SORBS2: variants seen among roughly 807,000 people sequenced by gnomAD.
SORBS2 encodes the protein sorbin and SH3 domain-containing protein 2.
Under a neutral mutation model 97.7 loss-of-function variants are expected in SORBS2, and 46 were observed. The observed-to-expected ratio is 0.47, with a 90% CI of 0.37 to 0.60. The LOEUF is 0.60. SORBS2 is among the 20% of genes least tolerant of loss of function. The pLI is 0.00. For missense variants in SORBS2, 1,316 were observed against 1,282.3 expected (o/e 1.03, Z -0.40); for synonymous variants, 476 against 473.4 (o/e 1.01, Z -0.07).
intron 2 of SORBS2, among the ~76,000 whole-genome samples, chr4:185,769,278 G>A (rs1400041980): frequency 6.6e-6 from 1 of 152,130 alleles, no homozygotes; most frequent in African/African-American, 2.4e-5. Context: ...TAGCCTGAAG[G>A]TAATTTTATA....
At chr4:185,766,987 C>G (rs556444881) in intron 2 of SORBS2, among the ~76,000 whole-genome samples, 1 of 152,062 alleles carries the variant, frequency 6.6e-6, no homozygotes, top group South Asian at 2.1e-4. Flanking sequence ...TAAACTGTGT[C>G]AATTTCCTAA....
chr4:185,719,232 A>G (rs2098491574), intron 2 of SORBS2, among the ~76,000 whole-genome samples: 3 of 152,158 alleles, frequency 2.0e-5, no homozygotes, highest in African/African-American at 7.2e-5. Context: ...TCTGGCTTGG[A>G]GAAGCAGCAA....
At chr4:185,758,974 CATGTTT>C (rs1008848906) in intron 2 of SORBS2, among the ~76,000 whole-genome samples, 1 of 152,218 alleles carries the variant, frequency 6.6e-6, no homozygotes, top group Non-Finnish European at 1.5e-5. Context: ...AATCTCCTAA[CATGTTT>C]ACCTTTTACT....
At chr4:185,848,598 T>C (rs147141127) in intron 1 of SORBS2, among the ~76,000 whole-genome samples, 8 of 149,588 alleles carry the variant, frequency 5.3e-5, no homozygotes, top group African/African-American at 1.7e-4. Context: ...AGGTTTTAAA[T>C]GTTCTTTATA....
chr4:185,709,253 G>A (rs988587164), intron 2 of SORBS2, among the ~76,000 whole-genome samples: 3 of 141,382 alleles, frequency 2.1e-5, no homozygotes, highest in East Asian at 2.2e-4. Flanking sequence ...CTCCCGCCTT[G>A]GCCTCCCAAA....
At chr4:185,806,257 C>G (rs1163756792) in intron 1 of SORBS2, among the ~76,000 whole-genome samples, 1 of 152,164 alleles carries the variant, frequency 6.6e-6, no homozygotes, top group Non-Finnish European at 1.5e-5. Context: ...ACAGGGACTT[C>G]TGTTTAGAGG....
In SORBS2 at chr4:185,618,645, TA is replaced by T; in HGVS notation, c.2305-15del. 2 of 1,524,294 alleles carry T rather than the reference TA, an allele frequency of 1.3e-6. No individual in the cohort carries two copies. Among genetic ancestry groups the T allele is most frequent in the Admixed American group, 1.7e-5 (1 of 57,956 alleles). 94.4% of individuals were successfully genotyped at this position (1,524,294 alleles called of 1,614,324 possible). ...TGCAGGCAATTTCTGAAAAGGAAGA[TA>T]AACAATTAGCACTAATTTAAAATTT... On this transcript the variant is annotated splice_polypyrimidine_tract_variant and intron_variant, in intron 8 of 14. Coordinates refer to ENST00000418609, the Ensembl canonical transcript of SORBS2.
chr4:185,838,061 G>A (rs1236277215), intron 1 of SORBS2, among the ~76,000 whole-genome samples: 2 of 152,214 alleles, frequency 1.3e-5, no homozygotes, highest in Non-Finnish European at 2.9e-5. Flanking sequence ...TTTCCCATTT[G>A]ACACTAATTC....
chr4:185,711,871 C>A (rs79589688), intron 2 of SORBS2, among the ~76,000 whole-genome samples: 4 of 152,158 alleles, frequency 2.6e-5, no homozygotes, highest in African/African-American at 7.2e-5. Flanking sequence ...CCACACTCAG[C>A]TGACCGTGCT....
At chr4:185,954,261 A>C (rs1167654795) in intron 1 of SORBS2, among the ~76,000 whole-genome samples, 1 of 152,208 alleles carries the variant, frequency 6.6e-6, no homozygotes, top group East Asian at 1.9e-4. Flanking sequence ...ACACCTTCTC[A>C]AAAGCAATGC....
intron 2 of SORBS2, chr4:185,774,447 T>C (rs2098989814): frequency 1.3e-5 from 2 of 152,170 alleles, no homozygotes; most frequent in South Asian, 4.1e-4. Context: ...TTACTGAGCA[T>C]AGTAAATAGC....
rs1197728716 is a variant in SORBS2 at position 185,677,050 on chromosome 4, C to G, written c.-46+1373G>C. On this transcript the variant is annotated intron_variant, in intron 4 of 20. Coordinates refer to the SORBS2 transcript ENST00000284776. ...GCTGCAACTGCAGATTTTTGTCTCT[C>G]TTGCTGAAGAGGTATCTTTGCAGTC... 20 of 1,551,352 alleles carry G rather than the reference C, an allele frequency of 1.3e-5. No individual in the cohort carries two copies. In the Middle Eastern group the frequency reaches 2.4e-3, roughly 185 times the overall value.
intron 1 of SORBS2, among the ~76,000 whole-genome samples, chr4:185,886,149 T>C (rs762694784): frequency 3.9e-5 from 6 of 152,186 alleles, no homozygotes; most frequent in Non-Finnish European, 5.9e-5. Flanking sequence ...TTAGGCATAG[T>C]GACTTGTTCC....
At chr4:185,792,052 A>G (rs1261908671) in intron 1 of SORBS2, among the ~76,000 whole-genome samples, 1 of 152,250 alleles carries the variant, frequency 6.6e-6, no homozygotes, top group Non-Finnish European at 1.5e-5. Context: ...CAAAATGTTT[A>G]TATTCAGAGG....
At chr4:185,620,275 A>G (rs1254517325) in intron 7 of SORBS2, 124 bp from the exon 20 acceptor site, 46 of 702,706 alleles carry the variant, frequency 6.5e-5, no homozygotes. Flanking sequence ...GTTATCGAAC[A>G]CATGGGCATA....
At chr4:185,828,503 CT>C in intron 1 of SORBS2, among the ~76,000 whole-genome samples, 1 of 152,046 alleles carries the variant, frequency 6.6e-6, no homozygotes, top group East Asian at 1.9e-4. Context: ...TTGAAATGGC[CT>C]TCAAGAAATC....
intron 13 of SORBS2, chr4:185,593,041 C>A (rs1237620238): frequency 6.6e-6 from 1 of 152,270 alleles, no homozygotes; most frequent in Non-Finnish European, 1.5e-5. Context: ...CCAGGACCTG[C>A]CGCAAGGAGG....
intron 4 of SORBS2, chr4:185,638,984 G>T: frequency 6.6e-7 from 1 of 1,523,244 alleles, no homozygotes; most frequent in Non-Finnish European, 8.8e-7. Context: ...CTAGAAAGAG[G>T]CTTCCGGCCA....
Position 185,877,704 on chromosome 4 carries a change from T to C in SORBS2, c.-338+78492A>G, listed in dbSNP as rs111666733. Among the ~76,000 whole-genome samples, 863 of 150,946 alleles carry C rather than the reference T, an allele frequency of 5.7e-3. 6 individuals are homozygous for C. Among genetic ancestry groups the C allele is most frequent in the African/African-American group, 0.02 (810 of 41,152 alleles). ...CAACATGGTGACACCCCGTCTGTAC[T>C]AAAAAAAATACAAAAAATTAACCAG... On this transcript the variant is annotated intron_variant, in intron 1 of 20. Transcript: ENST00000284776.
Sources: gnomAD v4.1 joint callset for allele counts (sites outside exome capture counted in the v4.1 genomes callset) on GRCh38, gnomAD v4.1.1 for gene constraint, MANE v1.5 for transcripts, NCBI Gene and HGNC (gene_info 2026-07-23, HGNC 2026-07-21) for gene names.